SLC30A9: variants seen among roughly 807,000 people sequenced by gnomAD.
SLC30A9 encodes solute carrier family 30 member 9, also known as proton-coupled zinc antiporter SLC30A9, mitochondrial.
In SLC30A9, 58 loss-of-function variants were observed where a neutral mutation model predicts 87.5. The observed-to-expected ratio is 0.66, with a 90% confidence interval of 0.54 to 0.82. SLC30A9 has a LOEUF of 0.82. Ranked by LOEUF, SLC30A9 falls within the 40% of genes least tolerant of loss-of-function variation. The pLI is 0.00. For missense variants in SLC30A9, 557 were observed against 679.1 expected, an observed-to-expected ratio of 0.82 and a Z score of 2.00; for synonymous variants, 234 against 233.0, an observed-to-expected ratio of 1.00 and a Z score of -0.04.
intron 2 of SLC30A9, among the ~76,000 whole-genome samples, chr4:42,012,268 T>C (rs1577683749): frequency 6.6e-6 from 1 of 152,078 alleles, no homozygotes; most frequent in African/African-American, 2.4e-5. Context: ...TCTACTGAAG[T>C]AGACTTTTTA....
At chr4:42,022,774 C>T in intron 4 of SLC30A9, 64 bp from the exon 5 acceptor site, 2 of 866,572 alleles carry the variant, frequency 2.3e-6, no homozygotes, top group South Asian at 3.9e-5. Flanking sequence ...CCTTAGTAAT[C>T]CTCTTTAAGT....
At chr4:42,026,128 CT>C (rs1316277378) in intron 6 of SLC30A9, among the ~76,000 whole-genome samples, 3 of 152,318 alleles carry the variant, frequency 2.0e-5, no homozygotes, top group Middle Eastern at 6.8e-3. Flanking sequence ...CCGTGTCTAG[CT>C]GACAATCCAC....
intron 1 of SLC30A9, among the ~76,000 whole-genome samples, chr4:41,992,994 A>T (rs1714521494): frequency 6.6e-6 from 1 of 152,022 alleles, no homozygotes; most frequent in Admixed American, 6.5e-5. Context: ...ACCTTGAGGG[A>T]TTGCTTGAAT....
intron 4 of SLC30A9, among the ~76,000 whole-genome samples, chr4:42,021,754 G>C (rs1023990851): frequency 3.3e-5 from 5 of 151,094 alleles, no homozygotes; most frequent in Non-Finnish European, 7.4e-5. Context: ...CGTTTTTTTT[G>C]TTTGTTTTTT....
chr4:42,029,904 G>A, intron 6 of SLC30A9: 1 of 713,126 alleles, frequency 1.4e-6, no homozygotes, highest in South Asian at 1.4e-5. Flanking sequence ...GGAGTATTTT[G>A]GACTGGGCAC....
chr4:42,000,949 C>T lies in SLC30A9; in HGVS notation c.110-667C>T, dbSNP rs577314979. The stretch of plus-strand genomic sequence containing the variant: ...TGGTAAAAAAAGAGAAGGAGGGTCA[C>T]AGGAAAATAGGAACAAATTTGGTTT... On this transcript the variant is annotated intron_variant, in intron 1 of 17. Transcript: ENST00000264451. 4.6e-5 allele frequency among the ~76,000 whole-genome samples: 7 copies of T among 152,078 alleles called. No individual in the cohort carries two copies. The East Asian group carries it at 1.4e-3, about 29-fold the overall frequency.
intron 2 of SLC30A9, among the ~76,000 whole-genome samples, chr4:42,005,873 A>T (rs899063253): frequency 6.6e-6 from 1 of 152,200 alleles, no homozygotes; most frequent in African/African-American, 2.4e-5. Flanking sequence ...AATGAGAATG[A>T]CTCAGAGTTG....
rs1715903306 is a variant in SLC30A9, at chr4:42,020,480, A to G, written c.399A>G (p.Gly133=). 2.5e-6 allele frequency: 4 copies of G among 1,601,992 alleles called. No homozygotes were observed. The highest frequency in any genetic ancestry group is 3.4e-6 in the Non-Finnish European group (4 of 1,170,766). The change falls in exon 4 of 18, where the codon GGA becomes GGG. Residue 133 remains glycine, a synonymous_variant. Coordinates refer to ENST00000264451, the MANE Select transcript of SLC30A9 (RefSeq NM_006345.4). ...ACACTCAGAATAATTTCATCACTGG[A>G]GTCAGAGCGATAAATGAGTTCTGCC... ...SKYTQNNFIT[G]VRAINEFCLK...
intron 3 of SLC30A9, 22 bp from the exon 4 acceptor site, chr4:42,020,394 T>C (rs751334543): frequency 2.6e-6 from 3 of 1,139,432 alleles, no homozygotes; most frequent in African/African-American, 2.9e-5. Flanking sequence ...ATATTTATTA[T>C]GTTTTCCTGT....
At chr4:42,046,079 G>A (rs542809232) in intron 8 of SLC30A9, among the ~76,000 whole-genome samples, 82 of 152,184 alleles carry the variant, frequency 5.4e-4, no homozygotes, top group African/African-American at 1.9e-3. Context: ...TTGGCAGAAC[G>A]TATCTCAAAA....
Position 42,088,134 on chromosome 4 carries a change from A to G in SLC30A9, c.*2008A>G, listed in dbSNP as rs980886362. The G allele has an allele frequency of 6.6e-6, 1 of 152,202 alleles. No homozygotes were observed. The highest frequency in any genetic ancestry group is 2.4e-5 in the African/African-American group (1 of 41,442). 9.4% of individuals were successfully genotyped at this position (152,202 alleles called of 1,614,324 possible). Reference sequence around the variant, plus strand: ...TCTTTTCTAATTCTGTTTTGCACTGATAAACTTACATAAAGTTTGTTTATG... The same window carrying G: ...TCTTTTCTAATTCTGTTTTGCACTGGTAAACTTACATAAAGTTTGTTTATG... On this transcript the variant is annotated 3_prime_UTR_variant, in exon 18 of 18. Coordinates refer to ENST00000264451, the MANE Select transcript of SLC30A9 (RefSeq NM_006345.4).
At chr4:42,027,191 A>G (rs1420902373) in intron 6 of SLC30A9, among the ~76,000 whole-genome samples, 1 of 152,226 alleles carries the variant, frequency 6.6e-6, no homozygotes, top group African/African-American at 2.4e-5. Context: ...ATGACTGACA[A>G]AAAAGCAAAA....
chr4:41,992,058 G>A (rs1349529337), intron 1 of SLC30A9, among the ~76,000 whole-genome samples: 2 of 152,072 alleles, frequency 1.3e-5, no homozygotes, highest in African/African-American at 4.8e-5. Context: ...CATCGGCTGG[G>A]TGCAGTGGCT....
chr4:42,057,677 C>T (rs768738024), intron 9 of SLC30A9, among the ~76,000 whole-genome samples: 3 of 152,194 alleles, frequency 2.0e-5, no homozygotes, highest in Non-Finnish European at 4.4e-5. Context: ...TGGTGATTAA[C>T]ATTCAGTTCC....
intron 15 of SLC30A9, among the ~76,000 whole-genome samples, chr4:42,071,656 G>A (rs1229796555): frequency 6.6e-5 from 9 of 136,854 alleles, no homozygotes; most frequent in Non-Finnish European, 9.4e-5. Context: ...ATTCTGGGCA[G>A]CATAGCAAAA....
Position 41,990,747 on chromosome 4 carries a change from C to T in SLC30A9, c.96C>T (p.Pro32=). Residue 32 remains proline, a synonymous_variant, in exon 1 of 18, where the codon CCC becomes CCT. Transcript: ENST00000264451. ...RLRCRAAACN[P]SDRQEWQNLV... Reference sequence around the variant, plus strand: ...GATGCAGGGCGGCGGCCTGTAATCCCAGCGACCGCCAGGGTGAGTGTCCCG... The same window carrying T: ...GATGCAGGGCGGCGGCCTGTAATCCTAGCGACCGCCAGGGTGAGTGTCCCG... 1 of 1,610,176 alleles carries T rather than the reference C, an allele frequency of 6.2e-7. No individual in the cohort carries two copies. The highest frequency in any genetic ancestry group is 2.2e-5 in the East Asian group (1 of 44,822).
At chr4:42,006,263 A>T (rs1029159490) in intron 2 of SLC30A9, among the ~76,000 whole-genome samples, 1 of 152,198 alleles carries the variant, frequency 6.6e-6, no homozygotes, top group African/African-American at 2.4e-5. Flanking sequence ...ATACTGAGGG[A>T]TAACCATACT....
chr4:42,060,072 A>G, intron 9 of SLC30A9, 119 bp from the exon 10 acceptor site: 1 of 687,818 alleles, frequency 1.5e-6, no homozygotes, highest in Non-Finnish European at 2.5e-6. Flanking sequence ...GGGTCATTGG[A>G]CATGCATATG....
chr4:42,011,895 CTAAA>C lies in SLC30A9; in HGVS notation c.275-6213_275-6210del, dbSNP rs1715460645. On this transcript the variant is annotated intron_variant, in intron 2 of 17. Coordinates refer to ENST00000264451, the MANE Select transcript of SLC30A9 (RefSeq NM_006345.4). ...GCCACTAAAGTAAAAATGTAGTAGA[CTAAA>C]TAGTCATTGTCAGTAGGAGAGTTAG... Among the ~76,000 whole-genome samples, 5 of 152,214 alleles carry C rather than the reference CTAAA, an allele frequency of 3.3e-5. No homozygotes were observed. In the South Asian group the frequency reaches 1.0e-3, roughly 32 times the overall value.
Sources: allele counts gnomAD v4.1 joint callset (sites outside exome capture counted in the v4.1 genomes callset), GRCh38; gene constraint gnomAD v4.1.1; transcripts MANE v1.5; gene names NCBI Gene and HGNC (gene_info 2026-07-23, HGNC 2026-07-21).